The following THADA variants were observed in gnomAD, a reference collection of about 807,000 sequenced individuals.
THADA encodes the protein tRNA (32-2'-O)-methyltransferase regulator THADA.
THADA carries 213 observed loss-of-function variants against 219.8 expected under a neutral mutation model. That is an observed-to-expected ratio of 0.97 (90% CI 0.87 to 1.09). THADA has a LOEUF of 1.09. Among genes scored for constraint, THADA ranks in the 50% least tolerant of loss-of-function variants. The pLI is 0.00. For synonymous variants in THADA, 1,018 were observed against 828.9 expected (o/e 1.23, Z -3.92); for missense variants, 2,956 against 2,311.3 (o/e 1.28, Z -5.72).
At chr2:43,487,588 C>T (rs910059894) in intron 25 of THADA, among the ~76,000 whole-genome samples, 1 of 152,154 alleles carries the variant, frequency 6.6e-6, no homozygotes, top group Non-Finnish European at 1.5e-5. Flanking sequence ...TATTTGTGTT[C>T]CCCAAAAATT....
chr2:43,399,711 CCCA>C (rs1674555021), intron 28 of THADA, among the ~76,000 whole-genome samples: 1 of 152,064 alleles, frequency 6.6e-6, no homozygotes, highest in Non-Finnish European at 1.5e-5. Flanking sequence ...CTGGACAGTT[CCCA>C]CAACTCATCC....
intron 28 of THADA, among the ~76,000 whole-genome samples, chr2:43,422,265 T>A (rs181957865): frequency 0.012 from 1,799 of 152,270 alleles, 11 homozygotes; most frequent in Non-Finnish European, 0.018. Context: ...AAAGAGAAAT[T>A]ATGCGCCTTC....
At chr2:43,590,721 G>A (rs1178551557) in intron 4 of THADA, 103 bp downstream of exon 4, 54 of 1,152,486 alleles carry the variant, frequency 4.7e-5, no homozygotes, top group Non-Finnish European at 6.6e-5. Context: ...AACTTTTTGT[G>A]ATCTGTATCA....
chr2:43,530,807 C>G (rs975570545), intron 21 of THADA, among the ~76,000 whole-genome samples: 2 of 152,178 alleles, frequency 1.3e-5, no homozygotes, highest in Non-Finnish European at 1.5e-5. Flanking sequence ...AATCAAAGAC[C>G]TCAGAAGTAT....
intron 30 of THADA, chr2:43,333,392 G>A (rs1666017716): frequency 6.6e-6 from 1 of 151,858 alleles, no homozygotes; most frequent in African/African-American, 2.4e-5. Context: ...TTAAAGACGG[G>A]TCCTAATGAG....
At chr2:43,445,738 G>C (rs901312117) in intron 26 of THADA, among the ~76,000 whole-genome samples, 3 of 152,176 alleles carry the variant, frequency 2.0e-5, no homozygotes, top group African/African-American at 4.8e-5. Flanking sequence ...CGGTAGCACA[G>C]TCAGAGCTCA....
intron 22 of THADA, among the ~76,000 whole-genome samples, chr2:43,519,766 G>C (rs191253463): frequency 6.6e-6 from 1 of 152,288 alleles, no homozygotes; most frequent in South Asian, 2.1e-4. Context: ...GCCAGCTGGC[G>C]CACATTAGCT....
intron 34 of THADA, among the ~76,000 whole-genome samples, chr2:43,288,353 G>A (rs538298357): frequency 8.5e-5 from 13 of 152,368 alleles, no homozygotes; most frequent in African/African-American, 3.1e-4. Flanking sequence ...AGGGGGCGGA[G>A]GCTGCAGTGA....
intron 26 of THADA, among the ~76,000 whole-genome samples, chr2:43,468,514 A>G (rs1462692540): frequency 2.6e-5 from 4 of 152,198 alleles, no homozygotes; most frequent in Non-Finnish European, 5.9e-5. Context: ...AGCTTTTAGT[A>G]AAAGACTGAA....
chr2:43,291,766 G>C lies in THADA; in HGVS notation c.4940C>G (p.Ser1647Cys), dbSNP rs1572938779. 3.2e-6 allele frequency: 5 copies of C among 1,544,758 alleles called. No individual in the cohort carries two copies. Among genetic ancestry groups the C allele is most frequent in the East Asian group, 2.4e-5 (1 of 41,274 alleles). The change falls in exon 34 of 38, where the codon TCT becomes TGT. Residue 1647 changes from serine to cysteine, a missense_variant and splice_region_variant. Ser to Cys is a moderately radical substitution (Grantham distance 112). Transcript: ENST00000405975. The stretch of plus-strand genomic sequence containing the variant: ...TCTCAGAGCTACACTCTGAATTTCA[G>C]ATCTAGAAAAATAAACAAACAAAAA... ...WTMDIASNER[S>C]EIQSVALRLA...
At chr2:43,283,294 A>G (rs1673584297) in intron 35 of THADA, among the ~76,000 whole-genome samples, 1 of 152,206 alleles carries the variant, frequency 6.6e-6, no homozygotes, top group Admixed American at 6.5e-5. Context: ...TAGGAGTGTG[A>G]GAATGGACCA....
At chr2:43,339,743 A>T (rs913571496) in intron 30 of THADA, among the ~76,000 whole-genome samples, 20 of 152,202 alleles carry the variant, frequency 1.3e-4, no homozygotes, top group Admixed American at 9.2e-4. Flanking sequence ...TACTAATTAC[A>T]ACTCTTAGCC....
At chr2:43,380,658 T>C (rs1671899645) in intron 29 of THADA, among the ~76,000 whole-genome samples, 1 of 152,210 alleles carries the variant, frequency 6.6e-6, no homozygotes, top group Non-Finnish European at 1.5e-5. Context: ...GGTAACACCC[T>C]AGTAGCCATG....
chr2:43,570,335 T>A (rs1699151549), intron 14 of THADA, 53 bp downstream of exon 14: 1 of 1,497,704 alleles, frequency 6.7e-7, no homozygotes, highest in African/African-American at 1.4e-5. Context: ...TGCTTATTCA[T>A]AATACTTTTT....
rs951115589 is a variant in THADA at position 43,574,779 on chromosome 2, G to A, written c.1286C>T (p.Ala429Val). The change falls in exon 11 of 38, where the codon GCA becomes GTA. Residue 429 changes from alanine to valine, a missense_variant. Coordinates refer to ENST00000405975, the MANE Select transcript of THADA (RefSeq NM_022065.5). ...LQMHRLTVEG[A>V]DFVPDPFFVE... ...AAAGAAAGGATCAGGGACGAAATCT[G>A]CACCTTCCACAGTGAGCCGGTGCAT... 5 of 1,614,002 alleles carry A rather than the reference G, an allele frequency of 3.1e-6. No homozygotes were observed. The highest frequency in any genetic ancestry group is 1.7e-5 in the Admixed American group (1 of 60,022).
intron 22 of THADA, among the ~76,000 whole-genome samples, chr2:43,510,540 G>A (rs1163019586): frequency 6.6e-6 from 1 of 151,474 alleles, no homozygotes; most frequent in Non-Finnish European, 1.5e-5. Context: ...TAATAATATT[G>A]CCAGCTTGAT....
intron 22 of THADA, among the ~76,000 whole-genome samples, chr2:43,520,413 C>T (rs1692254553): frequency 6.6e-6 from 1 of 152,078 alleles, no homozygotes; most frequent in African/African-American, 2.4e-5. Context: ...TATGGCCAGG[C>T]GCGGTGGCTC....
chr2:43,271,537 T>C (rs749416385), intron 36 of THADA, among the ~76,000 whole-genome samples: 150 of 152,174 alleles, frequency 9.9e-4, no homozygotes, highest in Non-Finnish European at 1.7e-3. Context: ...GTGATTCTTA[T>C]TGAGAATCTA....
At chr2:43,298,870 G>A (rs1294211431) in intron 31 of THADA, among the ~76,000 whole-genome samples, 2 of 152,168 alleles carry the variant, frequency 1.3e-5, no homozygotes, top group Non-Finnish European at 2.9e-5. Context: ...GACCTACACT[G>A]CCTGTGACTT....
Sources: gnomAD v4.1 joint callset for allele counts (sites outside exome capture counted in the v4.1 genomes callset) on GRCh38, gnomAD v4.1.1 for gene constraint, MANE v1.5 for transcripts, NCBI Gene and HGNC (gene_info 2026-07-23, HGNC 2026-07-21) for gene names.